TMPRSS2: variants seen among roughly 807,000 people sequenced by gnomAD.
TMPRSS2 encodes the protein transmembrane serine protease 2, also known as transmembrane protease serine 2.
TMPRSS2 carries 59 observed loss-of-function variants against 67.4 expected under a neutral mutation model. The observed-to-expected ratio is 0.88, with a 90% CI of 0.71 to 1.09. The LOEUF (loss-of-function observed/expected upper bound fraction) is 1.09, where lower values mean the gene tolerates loss of function less well. Among genes scored for constraint, TMPRSS2 ranks in the 50% least tolerant of loss-of-function variants. The pLI, the probability that TMPRSS2 is intolerant of heterozygous loss-of-function variation, is 0.00. For missense variants in TMPRSS2, 668 were observed against 642.7 expected (o/e 1.04, Z -0.43); for synonymous variants, 257 against 257.0 (o/e 1.00, Z 0.00).
chr21:41,466,750 G>A (rs988993564), intron 13 of TMPRSS2, among the ~76,000 whole-genome samples: 1 of 152,238 alleles, frequency 6.6e-6, no homozygotes. Flanking sequence ...CTGGGCATCT[G>A]GGAGATTTGG....
At chr21:41,495,007 T>G (rs1036953351) in intron 2 of TMPRSS2, among the ~76,000 whole-genome samples, 5 of 150,802 alleles carry the variant, frequency 3.3e-5, no homozygotes, top group Non-Finnish European at 7.4e-5. Context: ...AGGCAGAGAT[T>G]GCAGTGAGCT....
chr21:41,466,129 A>G lies in TMPRSS2; in HGVS notation c.*13T>C, dbSNP rs2146416329. ...TTCTTGTAAAACGACGTCAAGGACG[A>G]AGACCATGTGGATTAGCCGTCTGCC... On this transcript the variant is annotated 3_prime_UTR_variant, in exon 14 of 14. Coordinates refer to ENST00000332149, the MANE Select transcript of TMPRSS2 (RefSeq NM_005656.4). 1 of 1,614,130 alleles carries G rather than the reference A, an allele frequency of 6.2e-7. No homozygotes were observed. The highest frequency in any genetic ancestry group is 8.5e-7 in the Non-Finnish European group (1 of 1,180,002).
At position 41,473,428 on chromosome 21, in the gene TMPRSS2, C is replaced by G; in HGVS notation, c.796G>C (p.Ala266Pro). The G allele has an allele frequency of 6.2e-7, 1 of 1,609,810 alleles. No homozygotes were observed. The highest frequency in any genetic ancestry group is 1.1e-5 in the South Asian group (1 of 90,498). ...IVGGESALPG[A>P]WPWQVSLHVQ... ...TGCAGGCTGACCTGCCAGGGCCAGG[C>G]CCCCGGGAGCGCGCTCTCGCCGCCC... The change falls in exon 9 of 14, where the codon GCC becomes CCC. Residue 266 changes from alanine to proline, a missense_variant. Ala to Pro is a conservative substitution (Grantham distance 27, BLOSUM62 -1). Transcript: ENST00000332149.
intron 11 of TMPRSS2, among the ~76,000 whole-genome samples, chr21:41,470,217 T>C (rs1196379624): frequency 1.3e-5 from 2 of 151,990 alleles, no homozygotes; most frequent in Non-Finnish European, 1.5e-5. Context: ...GGAGAGAGCC[T>C]CTCTCTGTGG....
intron 1 of TMPRSS2, among the ~76,000 whole-genome samples, chr21:41,505,309 CCCA>C (rs1466592349): frequency 6.6e-6 from 1 of 152,164 alleles, no homozygotes; most frequent in Middle Eastern, 3.2e-3. Flanking sequence ...AGGCAATGAT[CCCA>C]TATTATTACG....
Position 41,468,142 on chromosome 21 carries a change from T to C in TMPRSS2, c.1314+254A>G. On this transcript the variant is annotated intron_variant, in intron 12 of 13. Transcript: ENST00000332149. ...TTGCCGTTCATAATTTAAAATAGTCTAAATACTTGTTTCTGTTCCACTGGC... is the reference window on the plus strand; with the variant it reads ...TTGCCGTTCATAATTTAAAATAGTCCAAATACTTGTTTCTGTTCCACTGGC... 4.9e-6 allele frequency: 3 copies of C among 617,308 alleles called. No homozygotes were observed. The South Asian group carries it at 6.2e-5, about 13-fold the overall frequency. The allele number at this position is 617,308 out of a possible 1,614,324, so 38.2% of individuals were successfully genotyped here.
chr21:41,493,828 C>T (rs540282152), intron 3 of TMPRSS2, among the ~76,000 whole-genome samples: 3 of 152,356 alleles, frequency 2.0e-5, no homozygotes, highest in South Asian at 2.1e-4. Flanking sequence ...TCGCTCTGGC[C>T]TGCTCCGGCC....
intron 2 of TMPRSS2, among the ~76,000 whole-genome samples, chr21:41,494,903 T>A (rs1011150549): frequency 2.1e-4 from 32 of 152,086 alleles, no homozygotes; most frequent in African/African-American, 7.2e-4. Context: ...TCCCTGTCTC[T>A]ACTAAAAATA....
chr21:41,500,762 T>A (rs1049703144), intron 1 of TMPRSS2, among the ~76,000 whole-genome samples: 1 of 152,244 alleles, frequency 6.6e-6, no homozygotes, highest in Non-Finnish European at 1.5e-5. Context: ...CCATTTAAAA[T>A]GTATCAAAAA....
At chr21:41,482,883 C>T (rs1381102139) in intron 5 of TMPRSS2, among the ~76,000 whole-genome samples, 3 of 152,150 alleles carry the variant, frequency 2.0e-5, no homozygotes, top group East Asian at 1.9e-4. Flanking sequence ...ATGATTCCAA[C>T]GCTACAACAT....
intron 5 of TMPRSS2, among the ~76,000 whole-genome samples, chr21:41,481,515 G>A (rs969609727): frequency 6.6e-6 from 1 of 152,066 alleles, no homozygotes; most frequent in South Asian, 2.1e-4. Flanking sequence ...AGGGCTTGGG[G>A]TTTCTTTATG....
intron 5 of TMPRSS2, among the ~76,000 whole-genome samples, chr21:41,484,338 T>C (rs556456416): frequency 6.6e-6 from 1 of 152,326 alleles, no homozygotes; most frequent in South Asian, 2.1e-4. Flanking sequence ...TTTAGTTTCT[T>C]TTCTGAGATT....
At position 41,494,337 on chromosome 21, in the gene TMPRSS2, A is replaced by G. The variant is rs1189812446; in HGVS notation, c.238+19T>C. 1 of 1,611,270 alleles carries G rather than the reference A, an allele frequency of 6.2e-7. No individual in the cohort carries two copies. Among genetic ancestry groups the G allele is most frequent in the Non-Finnish European group, 8.5e-7 (1 of 1,179,340 alleles). On this transcript the variant is annotated intron_variant, in intron 3 of 13. Coordinates refer to ENST00000332149, the MANE Select transcript of TMPRSS2 (RefSeq NM_005656.4). The stretch of plus-strand genomic sequence containing the variant: ...GACCCCGGGTTTATTACAGGAAATA[A>G]ACACAAAGAGAATCCTACTTGAGGT...
chr21:41,469,960 C>G (rs1310683699), intron 11 of TMPRSS2, among the ~76,000 whole-genome samples: 3 of 152,182 alleles, frequency 2.0e-5, no homozygotes, highest in Non-Finnish European at 4.4e-5. Context: ...GATGAGGAGC[C>G]AGGATGCCCC....
chr21:41,488,312 C>A, intron 5 of TMPRSS2, 82 bp downstream of exon 5: 1 of 1,536,226 alleles, frequency 6.5e-7, no homozygotes, highest in Non-Finnish European at 8.9e-7. Flanking sequence ...ACGCCAGGCC[C>A]AGTCACCCAA....
chr21:41,497,903 G>A (rs1182166523), intron 2 of TMPRSS2, among the ~76,000 whole-genome samples: 1 of 152,234 alleles, frequency 6.6e-6, no homozygotes, highest in Non-Finnish European at 1.5e-5. Flanking sequence ...TATCACCCAC[G>A]TGTACCCAAC....
At chr21:41,489,721 G>T in intron 3 of TMPRSS2, 128 bp from the exon 4 acceptor site, 1 of 629,400 alleles carries the variant, frequency 1.6e-6, no homozygotes, top group South Asian at 2.2e-5. Context: ...TTAAAAATGT[G>T]ACTTTTAATT....
chr21:41,469,031 C>T (rs950727446), intron 11 of TMPRSS2, among the ~76,000 whole-genome samples: 2 of 152,184 alleles, frequency 1.3e-5, no homozygotes, highest in Non-Finnish European at 2.9e-5. Flanking sequence ...CTCTGCATTT[C>T]CCACTCTCGC....
Position 41,494,506 on chromosome 21 carries a change from G to A in TMPRSS2, c.88C>T (p.Pro30Ser), listed in dbSNP as rs756356440. The change falls in exon 3 of 14, where the codon CCC becomes TCC. Residue 30 changes from proline (P) to serine (S), a missense_variant. Transcript: ENST00000332149. ...YQPENPYPAQ[P>S]TVVPTVYEVH... The stretch of plus-strand genomic sequence containing the variant: ...TCGTAGACAGTGGGGACCACAGTGG[G>A]CTGTGCGGGATAGGGGTTTTCCGGT... The A allele has an allele frequency of 6.2e-7, 1 of 1,614,108 alleles. No individual in the cohort carries two copies. Among genetic ancestry groups the A allele is most frequent in the East Asian group, 2.2e-5 (1 of 44,886 alleles).
Sources: allele counts gnomAD v4.1 joint callset (sites outside exome capture counted in the v4.1 genomes callset), GRCh38; gene constraint gnomAD v4.1.1; transcripts MANE v1.5; gene names NCBI Gene and HGNC (gene_info 2026-07-23, HGNC 2026-07-21).